MSRA: variants seen among roughly 807,000 people sequenced by gnomAD.
The protein encoded by MSRA is mitochondrial peptide methionine sulfoxide reductase.
MSRA carries 54 observed loss-of-function variants against 31.3 expected under a neutral mutation model. That is an observed-to-expected ratio of 1.73 (90% CI 1.39 to 2.17). The LOEUF is 2.17. Among genes scored for constraint, MSRA ranks in the 30% most tolerant of loss-of-function variants. The probability of loss-of-function intolerance (pLI) is 0.00; values close to 1 mark genes in which losing one functional copy is unlikely to be tolerated. For synonymous variants in MSRA, 169 were observed against 116.5 expected, an observed-to-expected ratio of 1.45 and a Z score of -2.90; for missense variants, 507 against 300.9, an observed-to-expected ratio of 1.69 and a Z score of -5.07.
At chr8:10,126,552 G>T (rs751266226) in intron 1 of MSRA, among the ~76,000 whole-genome samples, 5 of 151,974 alleles carry the variant, frequency 3.3e-5, no homozygotes, top group Non-Finnish European at 7.4e-5. Context: ...GTCTTCTGTC[G>T]CCCAGGCTAG....
At chr8:10,192,589 T>G (rs921502755) in intron 1 of MSRA, among the ~76,000 whole-genome samples, 1 of 152,220 alleles carries the variant, frequency 6.6e-6, no homozygotes, top group African/African-American at 2.4e-5. Flanking sequence ...CAGTGATGAG[T>G]AGCACAATGT....
At chr8:10,353,791 C>A in intron 5 of MSRA, 1 of 352,090 alleles carries the variant, frequency 2.8e-6, no homozygotes. Context: ...GAATCTCACA[C>A]AAGACAGTAA....
At chr8:10,383,117 C>G (rs909977165) in intron 5 of MSRA, among the ~76,000 whole-genome samples, 2 of 152,190 alleles carry the variant, frequency 1.3e-5, no homozygotes, top group Admixed American at 6.5e-5. Context: ...GATCATAGAT[C>G]CAGTTGATGG....
chr8:10,148,171 T>C lies in MSRA; in HGVS notation c.143-59662T>C, dbSNP rs141603584. ...TTTAGATAAGAGTTACAGATAATAT[T>C]CTATTTCTGGAAACGCAAGGATGGG... is the stretch of plus-strand genomic sequence containing the variant. On this transcript the variant is annotated intron_variant, in intron 1 of 5. Coordinates refer to ENST00000317173, the MANE Select transcript of MSRA (RefSeq NM_012331.5). Among the ~76,000 whole-genome samples, 261 of 152,290 alleles carry C rather than the reference T, an allele frequency of 1.7e-3. 1 individual carries two copies. Among genetic ancestry groups the C allele is most frequent in the African/African-American group, 5.8e-3 (242 of 41,572 alleles).
At chr8:10,152,104 G>T (rs1216251143) in intron 1 of MSRA, among the ~76,000 whole-genome samples, 1 of 152,200 alleles carries the variant, frequency 6.6e-6, no homozygotes, top group African/African-American at 2.4e-5. Context: ...TTTATCACAT[G>T]TAGTTGTGAA....
intron 1 of MSRA, among the ~76,000 whole-genome samples, chr8:10,076,953 G>C (rs192228871): frequency 6.6e-6 from 1 of 151,458 alleles, no homozygotes; most frequent in Non-Finnish European, 1.5e-5. Flanking sequence ...GGCTTAATAC[G>C]TAGGTAATGG....
At chr8:10,234,432 A>G (rs1811767998) in intron 2 of MSRA, among the ~76,000 whole-genome samples, 3 of 152,148 alleles carry the variant, frequency 2.0e-5, no homozygotes, top group South Asian at 4.1e-4. Context: ...TAACAATTGT[A>G]AGGGTAAACA....
intron 5 of MSRA, among the ~76,000 whole-genome samples, chr8:10,362,461 C>CAAAAAA (rs11388593): frequency 2.6e-5 from 2 of 76,716 alleles, no homozygotes; most frequent in Non-Finnish European, 5.1e-5. Context: ...ATACCATAAG[C>CAAAAAA]AAAAAAAAAA....
In MSRA at chr8:10,074,851, G is replaced by A. The variant is rs190280591; in HGVS notation, c.142+20193G>A. ...TTTTTAGAGATTACCCAGAGACGGG[G>A]GTTCACCGTGTTGGCCAGGCTGGTC... On this transcript the variant is annotated intron_variant, in intron 1 of 5. Transcript: ENST00000317173. Among the ~76,000 whole-genome samples the A allele has an allele frequency of 1.9e-3, 287 of 152,114 alleles. 17 individuals carry two copies. Among genetic ancestry groups the A allele is most frequent in the Admixed American group, 2.0e-3 (30 of 15,288 alleles).
intron 1 of MSRA, among the ~76,000 whole-genome samples, chr8:10,152,477 G>C (rs945955688): frequency 2.0e-5 from 3 of 152,064 alleles, no homozygotes; most frequent in Non-Finnish European, 4.4e-5. Context: ...TGAATCACAA[G>C]GCAATTAAGA....
At position 10,428,355 on chromosome 8, in the gene MSRA, C is replaced by A. The variant is rs536127720; in HGVS notation, c.*43C>A. 3 of 1,597,226 alleles carry A rather than the reference C, an allele frequency of 1.9e-6. No homozygotes were observed. The highest frequency in any genetic ancestry group is 2.6e-6 in the Non-Finnish European group (3 of 1,169,934). ...GGCCTTTGAGGTTCCAGTAAAAATG[C>A]TTTCAACAAATTGGGCAATGCTTGT... On this transcript the variant is annotated 3_prime_UTR_variant, in exon 6 of 6. Transcript: ENST00000317173.
chr8:10,364,135 C>G (rs1195784385), intron 5 of MSRA, among the ~76,000 whole-genome samples: 2 of 152,110 alleles, frequency 1.3e-5, no homozygotes, highest in African/African-American at 4.8e-5. Context: ...AGCAATTATG[C>G]TATGAATTAG....
At chr8:10,123,648 G>T (rs1424096576) in intron 1 of MSRA, among the ~76,000 whole-genome samples, 1 of 151,920 alleles carries the variant, frequency 6.6e-6, no homozygotes, top group Non-Finnish European at 1.5e-5. Flanking sequence ...TAGTTTTGAG[G>T]TTTACTTTTG....
chr8:10,374,044 A>G (rs561458432), intron 5 of MSRA, among the ~76,000 whole-genome samples: 1 of 152,214 alleles, frequency 6.6e-6, no homozygotes, highest in East Asian at 1.9e-4. Context: ...TTCCATGCAA[A>G]CTCAGGAAAC....
At chr8:10,275,226 C>A (rs965595049) in intron 3 of MSRA, among the ~76,000 whole-genome samples, 16 of 152,014 alleles carry the variant, frequency 1.1e-4, no homozygotes, top group Non-Finnish European at 7.4e-5. Flanking sequence ...AATGAGAAAA[C>A]AGAACATGTT....
At chr8:10,079,498 C>G (rs995869467) in intron 1 of MSRA, among the ~76,000 whole-genome samples, 1 of 152,126 alleles carries the variant, frequency 6.6e-6, no homozygotes, top group Non-Finnish European at 1.5e-5. Flanking sequence ...ACAGGAACAT[C>G]GCAGCTTACT....
intron 1 of MSRA, among the ~76,000 whole-genome samples, chr8:10,106,053 C>T (rs1036854846): frequency 6.6e-6 from 1 of 152,198 alleles, no homozygotes; most frequent in South Asian, 2.1e-4. Flanking sequence ...CTATAGGAAC[C>T]CTCCTTGGTT....
chr8:10,185,076 A>G (rs953967571), intron 1 of MSRA, among the ~76,000 whole-genome samples: 1 of 152,202 alleles, frequency 6.6e-6, no homozygotes, highest in African/African-American at 2.4e-5. Context: ...AACATTTACC[A>G]TGAAATCCTC....
intron 1 of MSRA, among the ~76,000 whole-genome samples, chr8:10,200,714 A>G (rs1808417221): frequency 6.6e-6 from 1 of 152,088 alleles, no homozygotes; most frequent in Non-Finnish European, 1.5e-5. Flanking sequence ...TGGGGGCAAA[A>G]CCCACTCTTG....
Sources: gnomAD v4.1 joint callset for allele counts (sites outside exome capture counted in the v4.1 genomes callset) on GRCh38, gnomAD v4.1.1 for gene constraint, MANE v1.5 for transcripts, NCBI Gene and HGNC (gene_info 2026-07-23, HGNC 2026-07-21) for gene names.